The following CSMD3 variants were observed in gnomAD, a reference collection of about 807,000 sequenced individuals.
The protein encoded by CSMD3 is CUB and sushi domain-containing protein 3.
In CSMD3, 177 loss-of-function variants were observed where a neutral mutation model predicts 435.2. That is an observed-to-expected ratio of 0.41 (90% CI 0.36 to 0.46). CSMD3 has a LOEUF of 0.46. CSMD3 is among the 20% of genes least tolerant of loss of function. CSMD3 has a pLI of 0.34. For missense variants in CSMD3, 4,265 were observed against 4,504.6 expected (o/e 0.95, Z 1.52); for synonymous variants, 1,656 against 1,520.5 (o/e 1.09, Z -2.07).
intron 1 of CSMD3, among the ~76,000 whole-genome samples, chr8:113,398,453 G>C (rs1228571733): frequency 6.6e-6 from 1 of 152,072 alleles, no homozygotes; most frequent in Non-Finnish European, 1.5e-5. Context: ...CAAATCCCTA[G>C]TTTATTTTTA....
intron 32 of CSMD3, among the ~76,000 whole-genome samples, chr8:112,425,581 T>G (rs559185546): frequency 6.6e-6 from 1 of 152,316 alleles, no homozygotes; most frequent in African/African-American, 2.4e-5. Flanking sequence ...CAAGGGAGAC[T>G]TATGCTGCTA....
intron 6 of CSMD3, among the ~76,000 whole-genome samples, chr8:113,001,356 A>G (rs902472324): frequency 6.6e-6 from 1 of 152,072 alleles, no homozygotes; most frequent in African/African-American, 2.4e-5. Flanking sequence ...TTTTAGCCAC[A>G]TGGGCATTTT....
chr8:113,313,794 T>C lies in CSMD3; in HGVS notation c.401+777A>G, dbSNP rs551781373. 3.3e-5 allele frequency: 5 copies of C among 152,288 alleles called. No individual in the cohort carries two copies. The South Asian group carries it at 6.2e-4, about 19-fold the overall frequency. The allele number at this position is 152,288 out of a possible 1,614,324, so 9.4% of individuals were successfully genotyped here. A position where few individuals can be genotyped will look rare whatever the true frequency, so the allele number is the denominator to read the frequency against. On this transcript the variant is annotated intron_variant, in intron 2 of 70. Transcript: ENST00000297405. ...AGCTTATGGCACTTAAAGAAAAGTA[T>C]ACAAACACTGGCATAAATCTAGGAC...
intron 5 of CSMD3, among the ~76,000 whole-genome samples, chr8:113,027,696 G>A (rs1408602495): frequency 6.6e-6 from 1 of 152,028 alleles, no homozygotes; most frequent in African/African-American, 2.4e-5. Context: ...GCTATAGTAA[G>A]CTTTATTTCC....
At chr8:112,591,374 A>T (rs1313354599) in intron 22 of CSMD3, among the ~76,000 whole-genome samples, 1 of 152,132 alleles carries the variant, frequency 6.6e-6, no homozygotes, top group Admixed American at 6.5e-5. Flanking sequence ...GAGCAGGGAT[A>T]CCCAAAAACA....
At chr8:112,332,033 G>C (rs370433594) in intron 45 of CSMD3, among the ~76,000 whole-genome samples, 9 of 152,136 alleles carry the variant, frequency 5.9e-5, no homozygotes, top group Non-Finnish European at 8.8e-5. Context: ...TGTAAAAGTT[G>C]TTACTAACAC....
intron 4 of CSMD3, among the ~76,000 whole-genome samples, chr8:113,161,605 T>C (rs1415262328): frequency 6.6e-6 from 1 of 152,134 alleles, no homozygotes; most frequent in Non-Finnish European, 1.5e-5. Context: ...AACCTATATA[T>C]TGCTGGTGTT....
chr8:112,715,453 T>A (rs1426144713), intron 13 of CSMD3, among the ~76,000 whole-genome samples: 1 of 151,912 alleles, frequency 6.6e-6, no homozygotes, highest in Non-Finnish European at 1.5e-5. Flanking sequence ...CCAAAAAAAA[T>A]CTCAGGACAA....
At chr8:113,185,764 T>C (rs1246394483) in intron 3 of CSMD3, among the ~76,000 whole-genome samples, 1 of 152,044 alleles carries the variant, frequency 6.6e-6, no homozygotes, top group Non-Finnish European at 1.5e-5. Context: ...TGTGTGCATG[T>C]GCACGCGTGC....
chr8:113,106,906 G>C (rs2090495051), intron 4 of CSMD3, among the ~76,000 whole-genome samples: 1 of 151,654 alleles, frequency 6.6e-6, no homozygotes, highest in Admixed American at 6.6e-5. Context: ...TTCACCCATT[G>C]AAAGTGTACA....
intron 3 of CSMD3, among the ~76,000 whole-genome samples, chr8:113,244,011 C>G (rs1361458640): frequency 1.3e-5 from 2 of 152,064 alleles, no homozygotes; most frequent in Non-Finnish European, 2.9e-5. Flanking sequence ...TTGTATCTAT[C>G]TCTAGTCTTG....
At chr8:113,321,249 T>G (rs2093947465) in intron 1 of CSMD3, among the ~76,000 whole-genome samples, 1 of 152,320 alleles carries the variant, frequency 6.6e-6, no homozygotes, top group South Asian at 2.1e-4. Context: ...AGGTTCATAC[T>G]TCTCTCCATG....
intron 10 of CSMD3, among the ~76,000 whole-genome samples, chr8:112,915,508 C>A (rs1431438340): frequency 1.3e-5 from 2 of 151,642 alleles, no homozygotes; most frequent in African/African-American, 2.4e-5. Flanking sequence ...TCAAAAATAT[C>A]TTAGTGTATA....
chr8:112,730,777 G>A (rs895398717), intron 13 of CSMD3, among the ~76,000 whole-genome samples: 1 of 151,978 alleles, frequency 6.6e-6, no homozygotes, highest in African/African-American at 2.4e-5. Flanking sequence ...TGATGGGCAC[G>A]AAACACAAGT....
At position 113,181,688 on chromosome 8, in the gene CSMD3, C is replaced by T. The variant is rs116864527; in HGVS notation, c.515-7772G>A. ...TGAAATATAAAAAGTTATGATTATT[C>T]GAAGCTAACTCTGTTGTACATAACT... On this transcript the variant is annotated intron_variant, in intron 3 of 70. Coordinates refer to ENST00000297405, the MANE Select transcript of CSMD3 (RefSeq NM_198123.2). Among the ~76,000 whole-genome samples, 112 of 151,958 alleles carry T rather than the reference C, an allele frequency of 7.4e-4. 1 individual carries two copies. The East Asian group carries it at 0.019, about 26-fold the overall frequency.
chr8:112,985,178 A>G (rs532015958), intron 6 of CSMD3, among the ~76,000 whole-genome samples: 1 of 152,284 alleles, frequency 6.6e-6, no homozygotes, highest in South Asian at 2.1e-4. Context: ...TACACAAACC[A>G]GGAAGACTTT....
rs1563806091 is a variant in CSMD3 at position 112,645,271 on chromosome 8, CAG to C, written c.3194-48_3194-47del. On this transcript the variant is annotated intron_variant, in intron 19 of 70. Transcript: ENST00000297405. ...TCCATGTGATCAGCAGTGAGAGAGA[CAG>C]AGGGTGAACAAATCTCTATCTCCTC... 7.7e-6 allele frequency: 8 copies of C among 1,038,290 alleles called. No homozygotes were observed. The South Asian group carries it at 1.0e-4, about 13-fold the overall frequency. 64.3% of individuals were successfully genotyped at this position (1,038,290 alleles called of 1,614,324 possible).
intron 4 of CSMD3, among the ~76,000 whole-genome samples, chr8:113,170,252 C>T (rs979353755): frequency 6.6e-6 from 1 of 151,462 alleles, no homozygotes; most frequent in Non-Finnish European, 1.5e-5. Flanking sequence ...ATGACAACTA[C>T]ACACACTGCA....
rs1421782471 is a variant in CSMD3, at chr8:112,383,650, C to G, written c.5948G>C (p.Ser1983Thr). The G allele has an allele frequency of 1.9e-6, 3 of 1,600,784 alleles. No individual in the cohort carries two copies. Among genetic ancestry groups the G allele is most frequent in the Non-Finnish European group, 2.6e-6 (3 of 1,168,168 alleles). The change falls in exon 37 of 71, where the codon AGC becomes ACC. Residue 1983 changes from serine to threonine, a missense_variant. Physicochemically the swap from Ser to Thr is moderately conservative, Grantham distance 58. Around this residue, in one of 3 missense-constraint regions of CSMD3, gnomAD observed 3,255 missense variants for 3,380.2 expected, o/e 0.96. Transcript: ENST00000297405. ...ATCCCAATTATGTTCTGTAGCAAAG[C>G]TAACAACTTGCACCTGTGAAATAAT... ...EGAGIQVQVV[S>T]FATEHNWDSL...
Sources: gnomAD v4.1 joint callset for allele counts (sites outside exome capture counted in the v4.1 genomes callset) on GRCh38, gnomAD v4.1.1 for gene constraint, gnomAD v4.1.1 regional missense constraint, MANE v1.5 for transcripts, NCBI Gene and HGNC (gene_info 2026-07-23, HGNC 2026-07-21) for gene names.